Variants in SLC9A2 observed in about 807,000 individuals in gnomAD.
SLC9A2 encodes solute carrier family 9 member A2.
In SLC9A2, 42 loss-of-function variants were observed where a neutral mutation model predicts 71.7. The ratio of observed to expected loss-of-function variants is 0.59; its 90% confidence interval spans 0.46 to 0.76. SLC9A2 has a LOEUF of 0.76. Among genes scored for constraint, SLC9A2 ranks in the 30% least tolerant of loss-of-function variants. The pLI is 0.00. For synonymous variants in SLC9A2, 396 were observed against 392.5 expected, an observed-to-expected ratio of 1.01 and a Z score of -0.10; for missense variants, 829 against 1,017.4, an observed-to-expected ratio of 0.81 and a Z score of 2.52.
At chr2:102,658,228 A>G (rs946519255) in intron 2 of SLC9A2, among the ~76,000 whole-genome samples, 7 of 152,128 alleles carry the variant, frequency 4.6e-5, no homozygotes, top group Non-Finnish European at 2.9e-5. Context: ...TATTATTTAT[A>G]ATTTATTTAT....
At chr2:102,669,576 T>A (rs558234051) in intron 3 of SLC9A2, among the ~76,000 whole-genome samples, 106 of 152,292 alleles carry the variant, frequency 7.0e-4, no homozygotes, top group African/African-American at 2.5e-3. Flanking sequence ...CACCTTTGAG[T>A]ATCAAAGTAC....
chr2:102,658,192 C>T (rs187526234), intron 2 of SLC9A2, among the ~76,000 whole-genome samples, 165 bp downstream of exon 2: 1 of 152,134 alleles, frequency 6.6e-6, no homozygotes, highest in Admixed American at 6.5e-5. Context: ...ACATCACTGT[C>T]TTATAATTCT....
intron 1 of SLC9A2, among the ~76,000 whole-genome samples, chr2:102,622,067 T>G (rs1239918005): frequency 6.6e-6 from 1 of 152,200 alleles, no homozygotes. Context: ...AAGTCTGTAA[T>G]TGACTGGCTT....
chr2:102,629,769 C>G (rs1676322962), intron 1 of SLC9A2, among the ~76,000 whole-genome samples: 1 of 152,022 alleles, frequency 6.6e-6, no homozygotes, highest in South Asian at 2.1e-4. Flanking sequence ...AGGAGTCAAC[C>G]AGACTACCAT....
intron 1 of SLC9A2, among the ~76,000 whole-genome samples, chr2:102,620,472 C>T (rs1449173057): frequency 6.6e-6 from 1 of 152,158 alleles, no homozygotes; most frequent in Non-Finnish European, 1.5e-5. Context: ...ACCAGTCTCA[C>T]CTGCAGGGAG....
At chr2:102,698,836 C>T (rs1677816038) in intron 7 of SLC9A2, among the ~76,000 whole-genome samples, 1 of 152,138 alleles carries the variant, frequency 6.6e-6, no homozygotes, top group South Asian at 2.1e-4. Flanking sequence ...AGCACGCTGG[C>T]AAGGAACAGG....
At chr2:102,636,919 G>A (rs1324758128) in intron 1 of SLC9A2, among the ~76,000 whole-genome samples, 1 of 152,174 alleles carries the variant, frequency 6.6e-6, no homozygotes, top group African/African-American at 2.4e-5. Flanking sequence ...GCACTGGCAA[G>A]TTTTACCTTC....
intron 3 of SLC9A2, among the ~76,000 whole-genome samples, chr2:102,682,704 A>C (rs979362857): frequency 2.0e-5 from 3 of 152,218 alleles, no homozygotes; most frequent in Non-Finnish European, 4.4e-5. Flanking sequence ...ACTAAGGATA[A>C]AAAGAAGTGA....
At chr2:102,694,602 G>A (rs1677718513) in intron 6 of SLC9A2, 99 bp downstream of exon 6, 1 of 520,638 alleles carries the variant, frequency 1.9e-6, no homozygotes, top group Non-Finnish European at 3.4e-6. Context: ...TGAAGAAGAA[G>A]GGAATGGCAG....
chr2:102,661,522 T>C (rs1677049542), intron 2 of SLC9A2, among the ~76,000 whole-genome samples: 1 of 152,138 alleles, frequency 6.6e-6, no homozygotes, highest in African/African-American at 2.4e-5. Flanking sequence ...ACCTGAACAT[T>C]TTTTTTTCTG....
chr2:102,631,158 A>G (rs1287265754), intron 1 of SLC9A2, among the ~76,000 whole-genome samples: 1 of 152,070 alleles, frequency 6.6e-6, no homozygotes, highest in Non-Finnish European at 1.5e-5. Context: ...CAAGTACTAT[A>G]GATATAGACT....
chr2:102,664,582 G>A (rs1169345108), intron 2 of SLC9A2, among the ~76,000 whole-genome samples: 1 of 151,936 alleles, frequency 6.6e-6, no homozygotes, highest in Non-Finnish European at 1.5e-5. Context: ...GGAGTGTGGA[G>A]TGAGGAACTG....
intron 1 of SLC9A2, among the ~76,000 whole-genome samples, chr2:102,629,228 C>T (rs1026627634): frequency 6.6e-6 from 1 of 152,056 alleles, no homozygotes; most frequent in African/African-American, 2.4e-5. Flanking sequence ...TTATTACATA[C>T]TCATTCAATA....
At chr2:102,693,244 CA>C (rs1677698044) in intron 5 of SLC9A2, among the ~76,000 whole-genome samples, 2 of 151,984 alleles carry the variant, frequency 1.3e-5, no homozygotes, top group African/African-American at 2.4e-5. Context: ...TTTTTTAGGA[CA>C]AAAACTCAAT....
chr2:102,654,710 G>A (rs918460443), intron 1 of SLC9A2, among the ~76,000 whole-genome samples: 27 of 152,234 alleles, frequency 1.8e-4, no homozygotes, highest in African/African-American at 6.0e-4. Context: ...ATCATTAGGC[G>A]ATTTTGTCAT....
intron 3 of SLC9A2, among the ~76,000 whole-genome samples, chr2:102,676,247 A>G (rs1677344059): frequency 6.6e-6 from 1 of 152,132 alleles, no homozygotes. Flanking sequence ...TCCATCATCA[A>G]AGTGTTGGTC....
intron 5 of SLC9A2, among the ~76,000 whole-genome samples, chr2:102,690,062 G>T (rs938611346): frequency 1.3e-5 from 2 of 152,044 alleles, no homozygotes; most frequent in African/African-American, 4.8e-5. Flanking sequence ...ATTATTGAGG[G>T]TATAAACATA....
intron 1 of SLC9A2, among the ~76,000 whole-genome samples, chr2:102,620,839 G>T (rs1175539367): frequency 1.3e-5 from 2 of 152,116 alleles, no homozygotes; most frequent in Non-Finnish European, 2.9e-5. Context: ...AGGAGTTCAA[G>T]ATCATCATGG....
chr2:102,649,629 AAAAC>A (rs374026554), intron 1 of SLC9A2, among the ~76,000 whole-genome samples: 5,429 of 152,258 alleles, frequency 0.036, 326 homozygotes, highest in African/African-American at 0.12. Context: ...TTACAAGAAA[AAAAC>A]AAACAACCCC....
Sources: gnomAD v4.1 joint callset for allele counts (sites outside exome capture counted in the v4.1 genomes callset) on GRCh38, gnomAD v4.1.1 for gene constraint, MANE v1.5 for transcripts, NCBI Gene and HGNC (gene_info 2026-07-23, HGNC 2026-07-21) for gene names.